Variants in AOPEP observed in about 807,000 individuals in gnomAD.
The protein encoded by AOPEP is aminopeptidase O (putative).
A neutral mutation model predicts 98.1 loss-of-function variants in AOPEP; 77 were observed. That is an observed-to-expected ratio of 0.78 (90% confidence interval 0.65 to 0.95). The LOEUF is 0.95. AOPEP is among the 40% of genes least tolerant of loss of function. AOPEP has a pLI of 0.00. For missense variants in AOPEP, 1,024 were observed against 1,024.7 expected, an observed-to-expected ratio of 1.00 and a Z score of 0.01; for synonymous variants, 346 against 365.3, an observed-to-expected ratio of 0.95 and a Z score of 0.60.
intron 7 of AOPEP, among the ~76,000 whole-genome samples, chr9:94,951,851 G>A (rs914247050): frequency 1.3e-5 from 2 of 152,178 alleles, no homozygotes; most frequent in South Asian, 2.1e-4. Flanking sequence ...GGCTTGTGGG[G>A]AAGAGGTGCG....
chr9:94,888,164 G>T (rs1356700017), intron 5 of AOPEP, among the ~76,000 whole-genome samples: 1 of 152,166 alleles, frequency 6.6e-6, no homozygotes, highest in African/African-American at 2.4e-5. Context: ...AACAGCTGAG[G>T]TGACTGTGTC....
At chr9:94,956,148 A>G (rs1337721723) in intron 9 of AOPEP, 133 bp downstream of exon 9, 8 of 588,740 alleles carry the variant, frequency 1.4e-5, no homozygotes, top group Non-Finnish European at 3.0e-6. Flanking sequence ...TAGGAAGTTA[A>G]TGAAATGGAC....
the AOPEP span, among the ~76,000 whole-genome samples, chr9:95,118,790 TGC>T: frequency 4.6e-5 from 7 of 152,260 alleles, no homozygotes; most frequent in Admixed American, 3.9e-4. Context: ...TGTATGAATA[TGC>T]CATAGTCTGT....
At chr9:94,728,730 A>G (rs562186684) in intron 1 of AOPEP, among the ~76,000 whole-genome samples, 41 of 152,292 alleles carry the variant, frequency 2.7e-4, no homozygotes, top group African/African-American at 9.6e-4. Context: ...CCACCAAAAG[A>G]CGATCTCCAG....
chr9:95,095,410 CGT>C, the AOPEP span, among the ~76,000 whole-genome samples: 4 of 152,190 alleles, frequency 2.6e-5, no homozygotes, highest in East Asian at 5.8e-4. Context: ...TTCCCTGTGT[CGT>C]GTGTGTCCCT....
intron 5 of AOPEP, among the ~76,000 whole-genome samples, chr9:94,878,079 T>G (rs1368578060): frequency 6.6e-6 from 1 of 152,018 alleles, no homozygotes; most frequent in Non-Finnish European, 1.5e-5. Flanking sequence ...TCTGGTTTTG[T>G]GCTAGAACAT....
chr9:95,092,723 A>G, the AOPEP span, among the ~76,000 whole-genome samples: 1 of 152,202 alleles, frequency 6.6e-6, no homozygotes, highest in Non-Finnish European at 1.5e-5. Flanking sequence ...ACTCACTGCC[A>G]AGAGTCCTGA....
chr9:94,963,789 G>A (rs1015544936), intron 9 of AOPEP, among the ~76,000 whole-genome samples: 5 of 152,152 alleles, frequency 3.3e-5, no homozygotes, highest in Non-Finnish European at 7.4e-5. Flanking sequence ...CCAATACACT[G>A]TAGGAAAGAA....
intron 5 of AOPEP, among the ~76,000 whole-genome samples, chr9:94,848,377 G>A (rs1358827916): frequency 1.3e-5 from 2 of 151,532 alleles, no homozygotes; most frequent in Non-Finnish European, 2.9e-5. Flanking sequence ...GCATGAACCC[G>A]GGAGGCGGAT....
At chr9:95,103,606 T>A in the AOPEP span, among the ~76,000 whole-genome samples, 1 of 151,674 alleles carries the variant, frequency 6.6e-6, no homozygotes, top group South Asian at 2.1e-4. Flanking sequence ...GGCAGAGGAG[T>A]GCCTGGCGAG....
intron 5 of AOPEP, among the ~76,000 whole-genome samples, chr9:94,860,520 G>C (rs1179866086): frequency 6.6e-6 from 1 of 152,152 alleles, no homozygotes; most frequent in African/African-American, 2.4e-5. Flanking sequence ...GATGATGTGT[G>C]GCCGCAATCC....
chr9:94,849,205 T>C (rs754576853), intron 5 of AOPEP, among the ~76,000 whole-genome samples: 1 of 152,234 alleles, frequency 6.6e-6, no homozygotes, highest in Non-Finnish European at 1.5e-5. Flanking sequence ...TTGTTTAACA[T>C]GAAATTCTGG....
At chr9:95,074,743 C>T (rs1348959034) in intron 14 of AOPEP, among the ~76,000 whole-genome samples, 1 of 152,234 alleles carries the variant, frequency 6.6e-6, no homozygotes, top group African/African-American at 2.4e-5. Context: ...CTTGCGAGAG[C>T]TGTGCTGATT....
intron 14 of AOPEP, among the ~76,000 whole-genome samples, chr9:95,072,793 C>T (rs751961424): frequency 1.1e-4 from 16 of 152,232 alleles, no homozygotes; most frequent in South Asian, 4.1e-4. Context: ...CCCGTTGTCA[C>T]GGGACCTGTG....
intron 2 of AOPEP, among the ~76,000 whole-genome samples, chr9:94,771,588 C>A (rs1840888930): frequency 6.6e-6 from 1 of 152,168 alleles, no homozygotes; most frequent in Non-Finnish European, 1.5e-5. Context: ...CTTCTGGCTT[C>A]CTGCTAGGTT....
intron 13 of AOPEP, among the ~76,000 whole-genome samples, chr9:95,052,764 T>G (rs1266244284): frequency 6.6e-6 from 1 of 152,234 alleles, no homozygotes; most frequent in Non-Finnish European, 1.5e-5. Context: ...TTACTGGTTT[T>G]TTCCCTTGGA....
intron 2 of AOPEP, chr9:94,763,143 A>G: frequency 2.2e-6 from 1 of 457,566 alleles, no homozygotes; most frequent in South Asian, 1.6e-5. Flanking sequence ...AAATAAAATG[A>G]CTGGAAGCTT....
chr9:94,961,854 G>A (rs1407530519), intron 9 of AOPEP, among the ~76,000 whole-genome samples: 1 of 152,128 alleles, frequency 6.6e-6, no homozygotes, highest in Non-Finnish European at 1.5e-5. Flanking sequence ...TAGTTTGCAT[G>A]GTTGCCATAC....
chr9:95,017,982 T>G (rs995515086), intron 13 of AOPEP, among the ~76,000 whole-genome samples: 1 of 146,192 alleles, frequency 6.8e-6, no homozygotes, highest in Non-Finnish European at 1.5e-5. Flanking sequence ...TATTTTAAAG[T>G]AGTTTTGCAT....
Sources: gnomAD v4.1 joint callset for allele counts (sites outside exome capture counted in the v4.1 genomes callset) on GRCh38, gnomAD v4.1.1 for gene constraint, MANE v1.5 for transcripts, NCBI Gene and HGNC (gene_info 2026-07-23, HGNC 2026-07-21) for gene names.